Variants in MAD1L1 observed in about 807,000 individuals in gnomAD.
The protein encoded by MAD1L1 is mitotic spindle assembly checkpoint protein MAD1.
A neutral mutation model predicts 96.9 loss-of-function variants in MAD1L1; 95 were observed. The ratio of observed to expected loss-of-function variants is 0.98; its 90% CI spans 0.83 to 1.16. The LOEUF (loss-of-function observed/expected upper bound fraction) is 1.16. Ranked by LOEUF, MAD1L1 falls within the 50% of genes most tolerant of loss-of-function variation. MAD1L1 has a pLI of 0.00. For missense variants in MAD1L1, 1,007 were observed against 954.4 expected (o/e 1.06, Z -0.73); for synonymous variants, 473 against 396.6 (o/e 1.19, Z -2.29).
At chr7:1,959,393 G>A (rs1469825568) in intron 15 of MAD1L1, among the ~76,000 whole-genome samples, 1 of 152,156 alleles carries the variant, frequency 6.6e-6, no homozygotes, top group Non-Finnish European at 1.5e-5. Flanking sequence ...AGGAAGCGAC[G>A]GGACAAATAC....
intron 18 of MAD1L1, among the ~76,000 whole-genome samples, chr7:1,856,357 C>T (rs190425898): frequency 1.5e-3 from 227 of 152,236 alleles, no homozygotes; most frequent in Non-Finnish European, 2.5e-3. Flanking sequence ...CCCAGGTGCT[C>T]GGGGAAGAAC....
At chr7:1,925,819 C>G (rs965470614) in intron 17 of MAD1L1, among the ~76,000 whole-genome samples, 1 of 152,172 alleles carries the variant, frequency 6.6e-6, no homozygotes, top group African/African-American at 2.4e-5. Flanking sequence ...GGAACGCTTA[C>G]GTTGGAAAGC....
intron 1 of MAD1L1, among the ~76,000 whole-genome samples, chr7:2,232,010 G>A (rs1794216922): frequency 6.6e-6 from 1 of 152,190 alleles, no homozygotes; most frequent in Non-Finnish European, 1.5e-5. Flanking sequence ...TAGAGATGAT[G>A]AAACCGAAGC....
At position 1,898,316 on chromosome 7, in the gene MAD1L1, C is replaced by G. The variant is rs1341891692; in HGVS notation, c.1882G>C (p.Glu628Gln). Residue 628 changes from glutamate (E) to glutamine (Q), a missense_variant, in exon 18 of 19, where the codon GAG becomes CAG. By Grantham distance (29) the Glu-to-Gln change is conservative (BLOSUM62 2). Coordinates refer to ENST00000265854, the MANE Select transcript of MAD1L1 (RefSeq NM_001013836.2). ...LKEVFQTKIQ[E>Q]FRKACYTLTG... ...AGCGTGTAGCAGGCCTTGCGGAACT[C>G]CTGGATCTTGGTCTGGAAAACCTCC... 1.2e-6 allele frequency: 2 copies of G among 1,613,960 alleles called. No individual in the cohort carries two copies. The highest frequency in any genetic ancestry group is 2.7e-5 in the African/African-American group (2 of 74,902).
intron 18 of MAD1L1, among the ~76,000 whole-genome samples, chr7:1,870,548 A>G (rs1201971502): frequency 7.0e-6 from 1 of 143,462 alleles, no homozygotes; most frequent in African/African-American, 2.6e-5. Flanking sequence ...AACCGACCAT[A>G]ACACCTGCCA....
intron 15 of MAD1L1, among the ~76,000 whole-genome samples, chr7:1,972,072 G>C (rs562001340): frequency 6.6e-6 from 1 of 152,260 alleles, no homozygotes; most frequent in Admixed American, 6.5e-5. Context: ...ACAATCCAGA[G>C]ACTGCTCGCC....
chr7:1,934,158 G>T (rs1231869702), intron 17 of MAD1L1, among the ~76,000 whole-genome samples: 1 of 152,160 alleles, frequency 6.6e-6, no homozygotes, highest in Non-Finnish European at 1.5e-5. Flanking sequence ...TCCTGGTGGC[G>T]CCATGTGGCG....
chr7:1,864,831 C>T (rs73286693), intron 18 of MAD1L1, among the ~76,000 whole-genome samples: 2,087 of 152,318 alleles, frequency 0.014, 53 homozygotes, highest in African/African-American at 0.047. Context: ...GTACTCTCTG[C>T]ACACAACAGC....
chr7:2,186,604 G>A (rs1791470465), intron 10 of MAD1L1, among the ~76,000 whole-genome samples: 2 of 152,152 alleles, frequency 1.3e-5, no homozygotes, highest in South Asian at 4.1e-4. Flanking sequence ...TTTGTAGTGA[G>A]GATGGATTTA....
intron 10 of MAD1L1, among the ~76,000 whole-genome samples, chr7:2,188,381 G>A (rs1003511117): frequency 2.6e-5 from 4 of 152,094 alleles, no homozygotes; most frequent in South Asian, 2.1e-4. Flanking sequence ...AAGGTCCCTC[G>A]CCAAAGCAAT....
intron 10 of MAD1L1, among the ~76,000 whole-genome samples, chr7:2,184,086 T>TA (rs1316268900): frequency 6.9e-4 from 105 of 151,574 alleles, no homozygotes; most frequent in Non-Finnish European, 1.3e-3. Context: ...CCATCTCTAC[T>TA]AAAAAAATAC....
At chr7:2,129,552 G>A (rs1401319001) in intron 11 of MAD1L1, among the ~76,000 whole-genome samples, 2 of 152,164 alleles carry the variant, frequency 1.3e-5, no homozygotes, top group Non-Finnish European at 2.9e-5. Flanking sequence ...GAGGCAGCAG[G>A]ACAGGAACCC....
At chr7:1,864,713 T>G (rs1405098798) in intron 18 of MAD1L1, among the ~76,000 whole-genome samples, 3 of 152,158 alleles carry the variant, frequency 2.0e-5, no homozygotes, top group Non-Finnish European at 4.4e-5. Flanking sequence ...TGTTTGGCCG[T>G]GAGGGTGGGC....
intron 17 of MAD1L1, among the ~76,000 whole-genome samples, chr7:1,921,519 C>G (rs1788795035): frequency 6.6e-6 from 1 of 152,142 alleles, no homozygotes; most frequent in South Asian, 2.1e-4. Flanking sequence ...GACAGGGTTT[C>G]ACCTTGTTGG....
chr7:2,210,146 G>A (rs1166599424), intron 10 of MAD1L1: 2 of 152,226 alleles, frequency 1.3e-5, no homozygotes, highest in Non-Finnish European at 2.9e-5. Flanking sequence ...GAGTGCAGTG[G>A]TGCAATCACA....
At chr7:2,149,105 T>C (rs1337876938) in intron 11 of MAD1L1, 47 bp downstream of exon 11, 5 of 1,571,514 alleles carry the variant, frequency 3.2e-6, no homozygotes, top group Non-Finnish European at 2.6e-6. Flanking sequence ...CCCCTAACTC[T>C]CCAAAGCAAA....
At chr7:2,102,508 C>T (rs1786860455) in intron 11 of MAD1L1, among the ~76,000 whole-genome samples, 1 of 150,130 alleles carries the variant, frequency 6.7e-6, no homozygotes, top group South Asian at 2.1e-4. Context: ...CAATAACCAC[C>T]ATCACCACCA....
intron 12 of MAD1L1, among the ~76,000 whole-genome samples, chr7:2,047,256 A>T (rs1783965408): frequency 6.6e-6 from 1 of 152,204 alleles, no homozygotes; most frequent in South Asian, 2.1e-4. Flanking sequence ...TCTGAGCCGC[A>T]GCTGCGTAAC....
intron 12 of MAD1L1, among the ~76,000 whole-genome samples, chr7:2,062,556 CAAAG>C (rs1193233903): frequency 6.6e-6 from 1 of 151,826 alleles, no homozygotes; most frequent in Non-Finnish European, 1.5e-5. Context: ...GCCTGGGCAA[CAAAG>C]AGAGACTCTG....
Sources: allele counts gnomAD v4.1 joint callset (sites outside exome capture counted in the v4.1 genomes callset), GRCh38; gene constraint gnomAD v4.1.1; transcripts MANE v1.5; gene names NCBI Gene and HGNC (gene_info 2026-07-23, HGNC 2026-07-21).